DCC: variants seen among roughly 807,000 people sequenced by gnomAD.
DCC encodes the protein DCC netrin 1 receptor, also known as netrin receptor DCC.
In DCC, 58 loss-of-function variants were observed where a neutral mutation model predicts 172.5. That is an observed-to-expected ratio of 0.34 (90% CI 0.27 to 0.42). The LOEUF is 0.42. DCC is among the 10% of genes least tolerant of loss of function. DCC has a pLI of 1.00. For missense variants in DCC, 1,740 were observed against 1,791.0 expected (o/e 0.97, Z 0.51); for synonymous variants, 709 against 644.5 (o/e 1.10, Z -1.52).
chr18:53,176,771 C>T (rs1240734779), intron 8 of DCC, among the ~76,000 whole-genome samples: 11 of 151,454 alleles, frequency 7.3e-5, no homozygotes, highest in South Asian at 4.2e-4. Context: ...GTCAGTGTGG[C>T]GATTCCTCAG....
chr18:53,174,637 ATC>A (rs1020762508), intron 8 of DCC, among the ~76,000 whole-genome samples: 16 of 150,644 alleles, frequency 1.1e-4, no homozygotes, highest in African/African-American at 3.9e-4. Flanking sequence ...AAGAAGTTGA[ATC>A]TCTGAATAGA....
At chr18:52,688,915 C>T (rs1324723890) in intron 1 of DCC, among the ~76,000 whole-genome samples, 2 of 152,020 alleles carry the variant, frequency 1.3e-5, no homozygotes, top group Non-Finnish European at 2.9e-5. Flanking sequence ...ATTAATATTA[C>T]CCAGTAAATC....
In DCC at chr18:53,310,991, GACAC is replaced by G. The variant is rs5825008; in HGVS notation, c.2053+5296_2053+5299del. Among the ~76,000 whole-genome samples the G allele has an allele frequency of 3.0e-3, 437 of 145,792 alleles. 1 individual carries two copies. The highest frequency in any genetic ancestry group is 0.01 in the African/African-American group (403 of 40,224). On this transcript the variant is annotated intron_variant, in intron 13 of 28. Transcript: ENST00000442544. ...TAAAGGTATACTTAGAAGCATCTAG[GACAC>G]ACACACACACACACACACACACATT...
rs1372159230 is a variant in DCC, at chr18:52,927,124, TAC to T, written c.985+1757_985+1758del. 4.7e-3 allele frequency among the ~76,000 whole-genome samples: 442 copies of T among 93,554 alleles called. 33 individuals carry two copies. Among genetic ancestry groups the T allele is most frequent in the African/African-American group, 0.013 (345 of 25,752 alleles). The allele number at this position is 93,554 out of a possible 152,430, so 61.4% of individuals were successfully genotyped here. A position where few individuals can be genotyped will look rare whatever the true frequency, so the allele number is the denominator to read the frequency against. On this transcript the variant is annotated intron_variant, in intron 5 of 28. Transcript: ENST00000442544. The stretch of plus-strand genomic sequence containing the variant: ...GTATATACACGTATATACGTGTATA[TAC>T]ACGTATATACGTGTATATATGTGTA...
chr18:53,006,734 G>A (rs975786878), intron 5 of DCC, among the ~76,000 whole-genome samples: 2 of 152,198 alleles, frequency 1.3e-5, no homozygotes, highest in Admixed American at 1.3e-4. Flanking sequence ...TATCATGTAA[G>A]CACAGCTGTT....
intron 1 of DCC, among the ~76,000 whole-genome samples, chr18:52,458,806 C>CA (rs1425971593): frequency 1.3e-5 from 2 of 151,956 alleles, no homozygotes; most frequent in Non-Finnish European, 2.9e-5. Flanking sequence ...TAAGAAATAA[C>CA]AAAAAAACTC....
At chr18:52,904,215 C>A (rs2039848306) in intron 2 of DCC, among the ~76,000 whole-genome samples, 1 of 152,182 alleles carries the variant, frequency 6.6e-6, no homozygotes, top group Admixed American at 6.5e-5. Flanking sequence ...TAGCATTAAT[C>A]TTTCTTACAA....
chr18:52,946,781 G>A (rs1219684361), intron 5 of DCC, among the ~76,000 whole-genome samples: 2 of 152,160 alleles, frequency 1.3e-5, no homozygotes, highest in African/African-American at 4.8e-5. Flanking sequence ...TGTTAATGCA[G>A]ACATATGAAG....
intron 1 of DCC, among the ~76,000 whole-genome samples, chr18:52,550,671 T>G (rs1426448105): frequency 2.0e-5 from 3 of 152,256 alleles, no homozygotes; most frequent in African/African-American, 7.2e-5. Context: ...AGCCCTGGAA[T>G]AGACAATACT....
intron 7 of DCC, among the ~76,000 whole-genome samples, chr18:53,120,915 G>A (rs561470985): frequency 2.6e-5 from 4 of 151,820 alleles, no homozygotes; most frequent in Non-Finnish European, 5.9e-5. Context: ...GATTACTGAG[G>A]AAATTTTAGA....
chr18:52,748,448 C>G (rs1415195227), intron 1 of DCC, among the ~76,000 whole-genome samples: 3 of 152,226 alleles, frequency 2.0e-5, no homozygotes, highest in Non-Finnish European at 4.4e-5. Flanking sequence ...GCTCTTCTCT[C>G]CTTCCTGCCA....
intron 27 of DCC, among the ~76,000 whole-genome samples, chr18:53,504,379 A>C (rs989198535): frequency 1.1e-4 from 16 of 152,224 alleles, no homozygotes; most frequent in African/African-American, 3.9e-4. Flanking sequence ...GGCCAGTCAG[A>C]TAGAATAAAT....
At chr18:52,927,098 T>TATATAC in intron 5 of DCC, among the ~76,000 whole-genome samples, 1 of 103,632 alleles carries the variant, frequency 9.6e-6, no homozygotes, top group African/African-American at 3.7e-5. Context: ...CGTATATACG[T>TATATAC]GTATATACAC....
intron 1 of DCC, among the ~76,000 whole-genome samples, chr18:52,417,869 A>G (rs926174588): frequency 6.6e-6 from 1 of 152,094 alleles, no homozygotes; most frequent in Non-Finnish European, 1.5e-5. Context: ...TCTTCTCTCA[A>G]CTCATCAAAG....
chr18:53,089,582 AAAAACC>A (rs1307406001), intron 7 of DCC, among the ~76,000 whole-genome samples: 8 of 96,370 alleles, frequency 8.3e-5, no homozygotes, highest in African/African-American at 2.4e-4. Flanking sequence ...TAACTAAAAA[AAAAACC>A]AAAAAACAAA....
At chr18:53,455,857 T>A (rs1158248768) in intron 23 of DCC, among the ~76,000 whole-genome samples, 2 of 152,254 alleles carry the variant, frequency 1.3e-5, no homozygotes, top group East Asian at 3.8e-4. Context: ...TACAATCATT[T>A]TTTAAGCTTT....
chr18:53,038,638 G>A (rs868643707), intron 5 of DCC, among the ~76,000 whole-genome samples: 7 of 151,482 alleles, frequency 4.6e-5, no homozygotes, highest in Middle Eastern at 3.4e-3. Flanking sequence ...CAGAATAGGT[G>A]AATTCATTGC....
At chr18:52,540,880 G>A (rs540515053) in intron 1 of DCC, among the ~76,000 whole-genome samples, 141 of 152,128 alleles carry the variant, frequency 9.3e-4, no homozygotes, top group Admixed American at 3.3e-3. Flanking sequence ...TGCTGGGATT[G>A]CAGGCATGAG....
chr18:52,993,689 T>A (rs538801989), intron 5 of DCC, among the ~76,000 whole-genome samples: 1 of 152,228 alleles, frequency 6.6e-6, no homozygotes, highest in African/African-American at 2.4e-5. Flanking sequence ...TAATATGGAT[T>A]GGGGACACAT....
Sources: allele counts gnomAD v4.1 joint callset (sites outside exome capture counted in the v4.1 genomes callset), GRCh38; gene constraint gnomAD v4.1.1; transcripts MANE v1.5; gene names NCBI Gene and HGNC (gene_info 2026-07-23, HGNC 2026-07-21).